Variants in CHODL observed in about 807,000 individuals in gnomAD.
CHODL encodes chondrolectin.
A neutral mutation model predicts 34.5 loss-of-function variants in CHODL; 29 were observed. The observed-to-expected ratio is 0.84, with a 90% CI of 0.63 to 1.15. The LOEUF is 1.15. CHODL is among the 50% of genes most tolerant of loss of function. The pLI is 0.00. For missense variants in CHODL, 332 were observed against 332.5 expected (o/e 1.00, Z 0.01); for synonymous variants, 125 against 116.1 (o/e 1.08, Z -0.49).
At chr21:18,240,484 C>T (rs1483112189), upstream of CHODL, among the ~76,000 whole-genome samples, 2 of 152,046 alleles carry the variant, frequency 1.3e-5, no homozygotes, top group African/African-American at 4.8e-5. Flanking sequence ...AATAATCTTA[C>T]CGTAGTACAA....
intron 2 of CHODL, among the ~76,000 whole-genome samples, chr21:18,199,596 C>T (rs929864969): frequency 6.6e-6 from 1 of 151,954 alleles, no homozygotes; most frequent in African/African-American, 2.4e-5. Context: ...TAAAAAATCC[C>T]CTTTGTTCCA....
At chr21:18,039,006 G>A (rs1172930613) in intron 2 of CHODL, among the ~76,000 whole-genome samples, 1 of 151,546 alleles carries the variant, frequency 6.6e-6, no homozygotes, top group Admixed American at 6.6e-5. Flanking sequence ...ACCTAGATAA[G>A]TCCATGGGGA....
chr21:18,125,167 T>G (rs937655304), intron 2 of CHODL, among the ~76,000 whole-genome samples: 1 of 152,162 alleles, frequency 6.6e-6, no homozygotes, highest in Admixed American at 6.5e-5. Flanking sequence ...AACAAAAAGC[T>G]AGCAAACAAA....
chr21:18,101,229 C>T (rs917862638), intron 2 of CHODL, among the ~76,000 whole-genome samples: 6 of 152,122 alleles, frequency 3.9e-5, no homozygotes, highest in South Asian at 2.1e-4. Context: ...CCGTGTAAGA[C>T]GTGACTTGCT....
intron 4 of CHODL, among the ~76,000 whole-genome samples, chr21:18,260,843 AC>A (rs1259749308): frequency 3.4e-5 from 5 of 145,800 alleles, no homozygotes; most frequent in Admixed American, 2.0e-4. Context: ...AACAACAACA[AC>A]AACAAAAAAA....
chr21:18,090,085 A>G (rs186752287), intron 2 of CHODL, among the ~76,000 whole-genome samples: 4 of 152,258 alleles, frequency 2.6e-5, no homozygotes, highest in African/African-American at 9.6e-5. Flanking sequence ...CAATAACCCT[A>G]TCAGTGCATA....
At chr21:18,086,692 C>G (rs1329199451) in intron 2 of CHODL, among the ~76,000 whole-genome samples, 2 of 152,116 alleles carry the variant, frequency 1.3e-5, no homozygotes, top group Non-Finnish European at 2.9e-5. Flanking sequence ...TTTCTGGGAA[C>G]TTTATCACCA....
At chr21:18,031,022 A>C (rs1401538038) in intron 2 of CHODL, among the ~76,000 whole-genome samples, 1 of 152,180 alleles carries the variant, frequency 6.6e-6, no homozygotes, top group African/African-American at 2.4e-5. Context: ...GGGCTGAGTC[A>C]GTCAAGAACC....
chr21:18,048,378 T>A (rs1021743843), intron 2 of CHODL, among the ~76,000 whole-genome samples: 1 of 151,904 alleles, frequency 6.6e-6, no homozygotes, highest in Non-Finnish European at 1.5e-5. Context: ...AATTCCTGAC[T>A]AAGCAATTTG....
chr21:18,179,273 T>C (rs2073353477), intron 2 of CHODL, among the ~76,000 whole-genome samples: 1 of 152,140 alleles, frequency 6.6e-6, no homozygotes, highest in Non-Finnish European at 1.5e-5. Flanking sequence ...CCCATTTCTG[T>C]CTTTAGTCCA....
intron 2 of CHODL, among the ~76,000 whole-genome samples, chr21:18,082,587 A>G (rs975053966): frequency 2.0e-5 from 3 of 152,198 alleles, no homozygotes; most frequent in African/African-American, 7.2e-5. Flanking sequence ...TGATATGAAC[A>G]GTGAAGTCCA....
chr21:18,001,396 G>C (rs1333866017), intron 1 of CHODL, among the ~76,000 whole-genome samples: 2 of 152,230 alleles, frequency 1.3e-5, no homozygotes, highest in Non-Finnish European at 2.9e-5. Context: ...TTTCCTGTGA[G>C]TGTGTTTAAA....
intron 2 of CHODL, among the ~76,000 whole-genome samples, chr21:18,211,629 C>T (rs990333639): frequency 6.6e-6 from 1 of 152,206 alleles, no homozygotes; most frequent in Non-Finnish European, 1.5e-5. Flanking sequence ...TTGGCCATTA[C>T]TATCTTTCAC....
At chr21:18,100,614 C>T (rs1287555036) in intron 2 of CHODL, among the ~76,000 whole-genome samples, 1 of 152,070 alleles carries the variant, frequency 6.6e-6, no homozygotes, top group Non-Finnish European at 1.5e-5. Flanking sequence ...TTTGAATTTG[C>T]TGCCTTTAGA....
At chr21:18,051,677 A>G (rs1268733919) in intron 2 of CHODL, among the ~76,000 whole-genome samples, 1 of 151,948 alleles carries the variant, frequency 6.6e-6, no homozygotes, top group Admixed American at 6.6e-5. Context: ...AATTTTAAGA[A>G]ATGTTTGGTT....
At chr21:18,072,549 G>A (rs535957090) in intron 2 of CHODL, among the ~76,000 whole-genome samples, 37 of 152,202 alleles carry the variant, frequency 2.4e-4, no homozygotes, top group Admixed American at 1.3e-3. Context: ...TTTCAATAAA[G>A]AGAAATTTTG....
chr21:18,060,705 G>A (rs1425334513), intron 2 of CHODL, among the ~76,000 whole-genome samples: 4 of 56,866 alleles, frequency 7.0e-5, no homozygotes, highest in South Asian at 3.6e-4. Flanking sequence ...CTTACTCCTC[G>A]GACCAAAAAA....
chr21:18,244,283 C>T (rs1225271684), upstream of CHODL, among the ~76,000 whole-genome samples: 2 of 152,172 alleles, frequency 1.3e-5, no homozygotes, highest in Non-Finnish European at 2.9e-5. Flanking sequence ...GTTTCGAAAA[C>T]CATGCTTCAA....
chr21:18,203,865 C>T (rs1221123139), intron 2 of CHODL, among the ~76,000 whole-genome samples: 1 of 152,112 alleles, frequency 6.6e-6, no homozygotes, highest in East Asian at 1.9e-4. Flanking sequence ...TAAGCAAATA[C>T]ATGGCTGTGA....
Sources: allele counts gnomAD v4.1 joint callset (sites outside exome capture counted in the v4.1 genomes callset), GRCh38; gene constraint gnomAD v4.1.1; transcripts MANE v1.5; gene names NCBI Gene and HGNC (gene_info 2026-07-23, HGNC 2026-07-21).